CDH4: variants seen among roughly 807,000 people sequenced by gnomAD.
The protein encoded by CDH4 is cadherin-4.
A neutral mutation model predicts 86.0 loss-of-function variants in CDH4; 33 were observed. That is an observed-to-expected ratio of 0.38 (90% CI 0.29 to 0.51). CDH4 has a LOEUF of 0.51. CDH4 is among the 20% of genes least tolerant of loss of function. CDH4 has a pLI of 0.86. For synonymous variants in CDH4, 555 were observed against 549.4 expected (o/e 1.01, Z -0.14); for missense variants, 1,114 against 1,307.4 (o/e 0.85, Z 2.28).
chr20:61,721,471 G>C (rs755489063), intron 2 of CDH4, among the ~76,000 whole-genome samples: 3 of 152,134 alleles, frequency 2.0e-5, no homozygotes, highest in Non-Finnish European at 4.4e-5. Context: ...ATCATTTCTG[G>C]TTCATTGACC....
intron 8 of CDH4, among the ~76,000 whole-genome samples, chr20:61,908,572 C>T (rs2054816655): frequency 2.0e-5 from 3 of 152,236 alleles, no homozygotes; most frequent in Non-Finnish European, 4.4e-5. Context: ...GCAGGACCTG[C>T]CTGTGGCAGA....
At chr20:61,845,721 C>G (rs1982424490) in intron 5 of CDH4, among the ~76,000 whole-genome samples, 1 of 152,192 alleles carries the variant, frequency 6.6e-6, no homozygotes, top group Non-Finnish European at 1.5e-5. Context: ...GTGAGGCGTT[C>G]AGCACAAGCC....
chr20:61,311,414 T>G (rs183283734), intron 2 of CDH4, among the ~76,000 whole-genome samples: 3 of 152,366 alleles, frequency 2.0e-5, no homozygotes, highest in Non-Finnish European at 2.9e-5. Flanking sequence ...GAGGAAGAAC[T>G]TCTCACCTTT....
At chr20:61,791,289 G>T (rs1979186758) in intron 4 of CDH4, among the ~76,000 whole-genome samples, 1 of 152,262 alleles carries the variant, frequency 6.6e-6, no homozygotes, top group Admixed American at 6.5e-5. Context: ...ACTTGATGCT[G>T]AAGCCTAGCC....
At chr20:61,826,997 GTGTGTGTGTGTGTA>G (rs1343311018) in intron 4 of CDH4, among the ~76,000 whole-genome samples, 4 of 108,984 alleles carry the variant, frequency 3.7e-5, no homozygotes, top group Admixed American at 1.9e-4. Flanking sequence ...GTGTGTGTGT[GTGTGTGTGTGTGTA>G]TGTGTTTCCT....
chr20:61,647,982 C>T (rs913949771), intron 2 of CDH4, among the ~76,000 whole-genome samples: 3 of 152,092 alleles, frequency 2.0e-5, no homozygotes, highest in Admixed American at 1.3e-4. Context: ...ACAGGTTGGC[C>T]GGCAGGAACC....
intron 2 of CDH4, among the ~76,000 whole-genome samples, chr20:61,542,374 G>A (rs554929177): frequency 9.2e-5 from 14 of 152,140 alleles, no homozygotes; most frequent in South Asian, 8.3e-4. Flanking sequence ...AGTCCCTCCC[G>A]CAGCCTCTGA....
chr20:61,828,705 C>T (rs1981439813), intron 4 of CDH4, among the ~76,000 whole-genome samples: 1 of 152,234 alleles, frequency 6.6e-6, no homozygotes, highest in Admixed American at 6.5e-5. Context: ...CTGCACTTCA[C>T]TTCTGTGTGG....
intron 2 of CDH4, among the ~76,000 whole-genome samples, chr20:61,498,005 A>T (rs910721376): frequency 3.4e-5 from 5 of 145,240 alleles, no homozygotes; most frequent in Non-Finnish European, 6.0e-5. Flanking sequence ...GGAATTAAAC[A>T]ATGAGAACAC....
intron 2 of CDH4, among the ~76,000 whole-genome samples, chr20:61,358,223 G>A (rs1230004698): frequency 6.6e-6 from 1 of 152,208 alleles, no homozygotes; most frequent in Non-Finnish European, 1.5e-5. Context: ...TTTAGGATGA[G>A]GAGTGTGCTG....
At position 61,567,190 on chromosome 20, in the gene CDH4, G is replaced by A. The variant is rs530755978; in HGVS notation, c.170-176373G>A. Among the ~76,000 whole-genome samples the A allele has an allele frequency of 5.3e-5, 8 of 152,304 alleles. 1 individual carries two copies. The South Asian group carries it at 1.7e-3, about 32-fold the overall frequency. On this transcript the variant is annotated intron_variant, in intron 2 of 15. Coordinates refer to ENST00000614565, the MANE Select transcript of CDH4 (RefSeq NM_001794.5). ...AGAAAATTCCGAAAGCTGACAGCAC[G>A]CAGCTGGGCACCTGTCTCCGAGCCC...
intron 2 of CDH4, among the ~76,000 whole-genome samples, chr20:61,440,671 C>A (rs1274053031): frequency 1.3e-5 from 2 of 152,208 alleles, no homozygotes; most frequent in African/African-American, 4.8e-5. Flanking sequence ...AGAACAAAGA[C>A]CTCCTGAGAT....
intron 7 of CDH4, among the ~76,000 whole-genome samples, chr20:61,885,494 C>T (rs1402815690): frequency 1.3e-5 from 2 of 152,202 alleles, no homozygotes; most frequent in Admixed American, 6.5e-5. Flanking sequence ...AATAATATTC[C>T]GCTGCATGGG....
intron 2 of CDH4, among the ~76,000 whole-genome samples, chr20:61,266,783 C>G (rs1404565726): frequency 6.6e-6 from 1 of 152,106 alleles, no homozygotes; most frequent in Admixed American, 6.5e-5. Context: ...TGGGTCCTAT[C>G]CCAGACCTAC....
At chr20:61,423,582 G>A (rs979877727) in intron 2 of CDH4, among the ~76,000 whole-genome samples, 1 of 151,946 alleles carries the variant, frequency 6.6e-6, no homozygotes, top group Non-Finnish European at 1.5e-5. Flanking sequence ...TTTGGATGGC[G>A]TTTTGAGAAA....
intron 2 of CDH4, among the ~76,000 whole-genome samples, chr20:61,597,244 C>G (rs1208280253): frequency 6.6e-6 from 1 of 152,202 alleles, no homozygotes; most frequent in Non-Finnish European, 1.5e-5. Context: ...GGTTCCATCC[C>G]CCGATCTACA....
chr20:61,308,757 G>A (rs2084430331), intron 2 of CDH4, among the ~76,000 whole-genome samples: 1 of 152,230 alleles, frequency 6.6e-6, no homozygotes, highest in Admixed American at 6.5e-5. Flanking sequence ...ATGATTGCAG[G>A]CGGAGGAGAG....
chr20:61,579,829 AG>A (rs761807613), intron 2 of CDH4, among the ~76,000 whole-genome samples: 1 of 152,208 alleles, frequency 6.6e-6, no homozygotes, highest in African/African-American at 2.4e-5. Flanking sequence ...CTGAGTACCA[AG>A]TATGAATGCA....
intron 2 of CDH4, among the ~76,000 whole-genome samples, chr20:61,325,991 A>G (rs184957598): frequency 6.6e-5 from 10 of 152,314 alleles, no homozygotes; most frequent in Admixed American, 5.9e-4. Context: ...GTTCAAACCC[A>G]TCAGGAAGTG....
Sources: gnomAD v4.1 joint callset for allele counts (sites outside exome capture counted in the v4.1 genomes callset) on GRCh38, gnomAD v4.1.1 for gene constraint, MANE v1.5 for transcripts, NCBI Gene and HGNC (gene_info 2026-07-23, HGNC 2026-07-21) for gene names.